Variants in BLZF1 observed in about 807,000 individuals in gnomAD.
BLZF1 encodes basic leucine zipper nuclear factor 1, also known as golgin-45.
In BLZF1, 39 loss-of-function variants were observed where a neutral mutation model predicts 43.8. That is an observed-to-expected ratio of 0.89 (90% CI 0.69 to 1.16). BLZF1 has a LOEUF of 1.16. Among genes scored for constraint, BLZF1 ranks in the 50% most tolerant of loss-of-function variants. The pLI, the probability that BLZF1 is intolerant of heterozygous loss-of-function variation, is 0.00. For synonymous variants in BLZF1, 136 were observed against 159.4 expected (o/e 0.85, Z 1.11); for missense variants, 449 against 469.8 (o/e 0.96, Z 0.41).
intron 7 of BLZF1, chr1:169,395,016 A>C (rs758466540): frequency 6.4e-7 from 1 of 1,553,782 alleles, no homozygotes; most frequent in East Asian, 2.3e-5. Flanking sequence ...TTTTGATAGC[A>C]GCTGCCCACT....
chr1:169,395,307 A>G, intron 7 of BLZF1: 3 of 1,013,926 alleles, frequency 3.0e-6, no homozygotes, highest in Non-Finnish European at 4.0e-6. Context: ...ACATTTCTTT[A>G]CAATGAAATA....
intron 2 of BLZF1, among the ~76,000 whole-genome samples, chr1:169,373,349 C>T (rs573555041): frequency 2.6e-5 from 4 of 152,264 alleles, no homozygotes; most frequent in East Asian, 3.9e-4. Context: ...TTGACTTAAG[C>T]GTTACTCATA....
intron 2 of BLZF1, among the ~76,000 whole-genome samples, chr1:169,370,135 C>G (rs1005007607): frequency 6.6e-6 from 1 of 152,244 alleles, no homozygotes; most frequent in Non-Finnish European, 1.5e-5. Context: ...TCTCCGCCTT[C>G]ATATTCACAT....
chr1:169,392,180 C>A (rs184335162), downstream of BLZF1, among the ~76,000 whole-genome samples: 13 of 136,690 alleles, frequency 9.5e-5, no homozygotes, highest in Non-Finnish European at 1.7e-4. Flanking sequence ...CCAAAGCAGT[C>A]TACAGATTCA....
intron 7 of BLZF1, chr1:169,395,326 G>C: frequency 1.2e-6 from 1 of 865,598 alleles, no homozygotes; most frequent in Admixed American, 3.6e-5. Flanking sequence ...TACTGTCACA[G>C]CACAAATTTT....
intron 7 of BLZF1, chr1:169,394,970 C>T (rs1654929993): frequency 4.7e-6 from 6 of 1,281,700 alleles, no homozygotes; most frequent in South Asian, 3.3e-5. Flanking sequence ...TAGAATACAA[C>T]CAAAGTACAC....
At chr1:169,390,446 AAG>A (rs1654790878), downstream of BLZF1, among the ~76,000 whole-genome samples, 1 of 152,176 alleles carries the variant, frequency 6.6e-6, no homozygotes, top group Non-Finnish European at 1.5e-5. Flanking sequence ...CATACTGACT[AAG>A]AAAAATAAAA....
intron 2 of BLZF1, among the ~76,000 whole-genome samples, chr1:169,375,159 A>G (rs1473743209): frequency 6.6e-6 from 1 of 151,742 alleles, no homozygotes; most frequent in African/African-American, 2.4e-5. Context: ...AATTGTAAAG[A>G]GTCTAAATAT....
At chr1:169,377,572 ATAAC>A (rs1296285386) in intron 3 of BLZF1, among the ~76,000 whole-genome samples, 3 of 152,056 alleles carry the variant, frequency 2.0e-5, no homozygotes, top group Non-Finnish European at 4.4e-5. Context: ...ATATTTTTAA[ATAAC>A]TAATTTCTCA....
rs556829734 is a variant in BLZF1, at chr1:169,394,972, A to T, written c.*28-922A>T. On this transcript the variant is annotated intron_variant, in intron 7 of 7. Transcript: ENST00000329281. ...CATTTCCATAATTTAGAATACAACCAAAGTACACAGACCCTAAGAAATCAT... is the reference window on the plus strand; with the variant it reads ...CATTTCCATAATTTAGAATACAACCTAAGTACACAGACCCTAAGAAATCAT... The T allele has an allele frequency of 1.3e-3, 1,663 of 1,311,140 alleles. 14 individuals carry two copies. The African/African-American group carries it at 0.021, about 17-fold the overall frequency. 81.2% of individuals were successfully genotyped at this position (1,311,140 alleles called of 1,614,324 possible). A position where few individuals can be genotyped will look rare whatever the true frequency, so the allele number is the denominator to read the frequency against.
At chr1:169,373,444 G>A (rs1654191897) in intron 2 of BLZF1, among the ~76,000 whole-genome samples, 1 of 152,122 alleles carries the variant, frequency 6.6e-6, no homozygotes, top group South Asian at 2.1e-4. Flanking sequence ...TGTGCCTACT[G>A]CATATGTAAT....
chr1:169,394,449 T>C (rs970152724), intron 7 of BLZF1, among the ~76,000 whole-genome samples: 1 of 152,082 alleles, frequency 6.6e-6, no homozygotes, highest in African/African-American at 2.4e-5. Context: ...TAGTACCCAA[T>C]AGTTAGTTTT....
At chr1:169,372,158 A>C (rs780677486) in intron 2 of BLZF1, among the ~76,000 whole-genome samples, 6 of 152,134 alleles carry the variant, frequency 3.9e-5, no homozygotes, top group Non-Finnish European at 8.8e-5. Flanking sequence ...TATGTAACTT[A>C]TTTTACTAAT....
chr1:169,393,904 A>G (rs569455878), intron 7 of BLZF1, among the ~76,000 whole-genome samples: 1 of 152,230 alleles, frequency 6.6e-6, no homozygotes, highest in South Asian at 2.1e-4. Context: ...ACCCAGCCAG[A>G]AGTTTGTCTT....
intron 1 of BLZF1, among the ~76,000 whole-genome samples, chr1:169,369,097 C>G (rs1654010280): frequency 6.6e-6 from 1 of 152,120 alleles, no homozygotes; most frequent in Non-Finnish European, 1.5e-5. Flanking sequence ...TGTGTGTATA[C>G]AAATTGTGTC....
chr1:169,390,064 G>A (rs1654781082), downstream of BLZF1, among the ~76,000 whole-genome samples: 1 of 152,114 alleles, frequency 6.6e-6, no homozygotes, highest in African/African-American at 2.4e-5. Flanking sequence ...TAATGCTACT[G>A]CATTGTACAT....
intron 6 of BLZF1, among the ~76,000 whole-genome samples, chr1:169,385,133 G>T (rs564602304): frequency 6.6e-6 from 1 of 152,238 alleles, no homozygotes; most frequent in African/African-American, 2.4e-5. Flanking sequence ...ATAGCTTACA[G>T]GCTTTTCTCT....
intron 6 of BLZF1, among the ~76,000 whole-genome samples, chr1:169,385,635 A>G (rs945239972): frequency 1.3e-5 from 2 of 152,232 alleles, no homozygotes; most frequent in African/African-American, 4.8e-5. Flanking sequence ...TAAGCCCTTC[A>G]TCTTTGCTTA....
In BLZF1 at chr1:169,370,230, C is replaced by T. The variant is rs546087014; in HGVS notation, c.28+680C>T. Among the ~76,000 whole-genome samples the T allele has an allele frequency of 2.6e-5, 4 of 152,214 alleles. No individual in the cohort carries two copies. The South Asian group carries it at 8.3e-4, about 32-fold the overall frequency. ...GTCATATTGAAAAAAGGAACCCAGT[C>T]TACTCCTGTATGATTTCATCTTAAC... On this transcript the variant is annotated intron_variant, in intron 2 of 6. Transcript: ENST00000367808.
Sources: gnomAD v4.1 joint callset for allele counts (sites outside exome capture counted in the v4.1 genomes callset) on GRCh38, gnomAD v4.1.1 for gene constraint, MANE v1.5 for transcripts, NCBI Gene and HGNC (gene_info 2026-07-23, HGNC 2026-07-21) for gene names.